The following CSMD1 variants were observed in gnomAD, a reference collection of about 807,000 sequenced individuals.
CSMD1 encodes the protein CUB and sushi domain-containing protein 1.
Under a neutral mutation model 417.5 loss-of-function variants are expected in CSMD1, and 213 were observed. The observed-to-expected ratio is 0.51, with a 90% CI of 0.46 to 0.57. CSMD1 has a LOEUF of 0.57. CSMD1 is among the 20% of genes least tolerant of loss of function. The pLI is 0.00. For missense variants in CSMD1, 6,923 were observed against 4,529.7 expected (o/e 1.53, Z -15.17); for synonymous variants, 2,862 against 1,736.8 (o/e 1.65, Z -16.11).
At position 3,771,056 on chromosome 8, in the gene CSMD1, C is replaced by T. The variant is rs573982875; in HGVS notation, c.819-17014G>A. Among the ~76,000 whole-genome samples the T allele has an allele frequency of 2.0e-5, 3 of 151,670 alleles. No individual in the cohort carries two copies. The South Asian group carries it at 6.3e-4, about 32-fold the overall frequency. On this transcript the variant is annotated intron_variant, in intron 5 of 69. Coordinates refer to ENST00000635120, the MANE Select transcript of CSMD1 (RefSeq NM_033225.6). Reference sequence around the variant, plus strand: ...TGCGTGCGTGTGTGTGTTTCATTTGCATGTCTGTGGTGGACAATAGTCTTG... The same window carrying T: ...TGCGTGCGTGTGTGTGTTTCATTTGTATGTCTGTGGTGGACAATAGTCTTG...
chr8:3,499,975 C>G (rs926329816), intron 10 of CSMD1, among the ~76,000 whole-genome samples: 1 of 152,096 alleles, frequency 6.6e-6, no homozygotes, highest in East Asian at 1.9e-4. Context: ...GCTCCCTACC[C>G]TTGGCTCAGG....
intron 2 of CSMD1, among the ~76,000 whole-genome samples, chr8:4,467,743 G>A (rs574172211): frequency 2.0e-5 from 3 of 152,090 alleles, no homozygotes; most frequent in African/African-American, 4.8e-5. Flanking sequence ...TAAAGCTAAA[G>A]CTAACAAAAT....
chr8:4,402,089 C>G (rs896186079), intron 3 of CSMD1, among the ~76,000 whole-genome samples: 4 of 152,016 alleles, frequency 2.6e-5, no homozygotes, highest in Non-Finnish European at 4.4e-5. Context: ...TGTTCTCAAC[C>G]TCCTCCCCTT....
chr8:3,474,815 C>A (rs1178842571), intron 11 of CSMD1, among the ~76,000 whole-genome samples: 1 of 152,038 alleles, frequency 6.6e-6, no homozygotes, highest in African/African-American at 2.4e-5. Flanking sequence ...CAATTTTTCC[C>A]CAAGTTGACT....
In CSMD1 at chr8:4,215,934, C is replaced by A. The variant is rs117125565; in HGVS notation, c.416-183835G>T. 2.7e-3 allele frequency among the ~76,000 whole-genome samples: 414 copies of A among 152,276 alleles called. 3 individuals carry two copies. The highest frequency in any genetic ancestry group is 3.6e-3 in the Non-Finnish European group (245 of 68,012). On this transcript the variant is annotated intron_variant, in intron 3 of 69. Transcript: ENST00000635120. Reference sequence around the variant, plus strand: ...AAAGAGAACGTGGATTCATGCAGGACTGAACATGCCAGTTTCTTTTGTTGG... The same window carrying A: ...AAAGAGAACGTGGATTCATGCAGGAATGAACATGCCAGTTTCTTTTGTTGG...
intron 10 of CSMD1, among the ~76,000 whole-genome samples, chr8:3,545,964 C>A (rs920193615): frequency 6.6e-6 from 1 of 152,140 alleles, no homozygotes; most frequent in African/African-American, 2.4e-5. Flanking sequence ...AAAGGTTTAG[C>A]TCCTAAGCCA....
intron 3 of CSMD1, among the ~76,000 whole-genome samples, chr8:4,386,101 G>C (rs774508481): frequency 6.6e-6 from 1 of 152,052 alleles, no homozygotes; most frequent in Non-Finnish European, 1.5e-5. Context: ...GCTGTACCCA[G>C]AATCTTGACT....
chr8:3,320,390 G>A (rs1163839715), intron 23 of CSMD1, among the ~76,000 whole-genome samples: 1 of 152,032 alleles, frequency 6.6e-6, no homozygotes, highest in Non-Finnish European at 1.5e-5. Context: ...ATGCTGTAGC[G>A]ATTTTTACAA....
At chr8:3,170,671 T>C (rs1021236203) in intron 37 of CSMD1, among the ~76,000 whole-genome samples, 31 of 152,222 alleles carry the variant, frequency 2.0e-4, no homozygotes, top group East Asian at 1.9e-4. Context: ...AATTAATCCA[T>C]GGATCATGCA....
chr8:3,909,344 A>C (rs556349941), intron 5 of CSMD1, among the ~76,000 whole-genome samples: 1 of 152,174 alleles, frequency 6.6e-6, no homozygotes, highest in South Asian at 2.1e-4. Context: ...CCTTGCTGGG[A>C]AATGCCAGTC....
chr8:4,097,044 G>A (rs1017170394), intron 3 of CSMD1, among the ~76,000 whole-genome samples: 1 of 152,104 alleles, frequency 6.6e-6, no homozygotes, highest in Non-Finnish European at 1.5e-5. Flanking sequence ...TTAATTAACT[G>A]ATGCCTCATT....
intron 5 of CSMD1, among the ~76,000 whole-genome samples, chr8:3,823,546 T>G (rs1423438249): frequency 1.3e-5 from 2 of 152,162 alleles, no homozygotes; most frequent in Non-Finnish European, 2.9e-5. Context: ...TATAACTTAA[T>G]AAAATAAAAA....
intron 1 of CSMD1, among the ~76,000 whole-genome samples, chr8:4,672,419 A>G (rs950271616): frequency 2.0e-5 from 3 of 152,166 alleles, no homozygotes; most frequent in African/African-American, 7.2e-5. Context: ...TGGGCAGAAA[A>G]TATTTGTAGT....
At chr8:4,318,012 T>A (rs1199901248) in intron 3 of CSMD1, among the ~76,000 whole-genome samples, 1 of 152,154 alleles carries the variant, frequency 6.6e-6, no homozygotes, top group Non-Finnish European at 1.5e-5. Flanking sequence ...ACAATTAGAA[T>A]CCAGGAGTAA....
At chr8:4,940,124 C>A (rs968653386) in intron 1 of CSMD1, among the ~76,000 whole-genome samples, 2 of 152,144 alleles carry the variant, frequency 1.3e-5, no homozygotes, top group Admixed American at 6.5e-5. Context: ...GGTCTTGGCT[C>A]CCCCTGTGAG....
chr8:4,153,113 G>C (rs193072909), intron 3 of CSMD1, among the ~76,000 whole-genome samples: 4 of 152,276 alleles, frequency 2.6e-5, no homozygotes, highest in South Asian at 2.1e-4. Flanking sequence ...AGCCGTAAAG[G>C]AAAATGGCAA....
intron 5 of CSMD1, among the ~76,000 whole-genome samples, chr8:3,755,199 T>C (rs1797590309): frequency 6.6e-6 from 1 of 152,198 alleles, no homozygotes; most frequent in African/African-American, 2.4e-5. Context: ...ATCACTGGAT[T>C]AGGATGCTTC....
chr8:4,066,617 C>T (rs866600654), intron 3 of CSMD1, among the ~76,000 whole-genome samples: 49 of 152,294 alleles, frequency 3.2e-4, no homozygotes, highest in African/African-American at 1.2e-3. Flanking sequence ...AAATGTACCA[C>T]ATTACTAACC....
chr8:4,245,766 C>G (rs769150576), intron 3 of CSMD1, among the ~76,000 whole-genome samples: 16 of 152,150 alleles, frequency 1.1e-4, no homozygotes, highest in Middle Eastern at 6.3e-3. Context: ...TCACCCAACT[C>G]TGTTTTCATA....
Sources: allele counts gnomAD v4.1 joint callset (sites outside exome capture counted in the v4.1 genomes callset), GRCh38; gene constraint gnomAD v4.1.1; transcripts MANE v1.5; gene names NCBI Gene and HGNC (gene_info 2026-07-23, HGNC 2026-07-21).